The following NDRG2 variants were observed in gnomAD, a reference collection of about 807,000 sequenced individuals.
NDRG2 encodes NDRG family member 2.
Under a neutral mutation model 58.2 loss-of-function variants are expected in NDRG2, and 34 were observed. The observed-to-expected ratio is 0.58, with a 90% CI of 0.44 to 0.78. The LOEUF is 0.78. NDRG2 is among the 30% of genes least tolerant of loss of function. The probability of loss-of-function intolerance (pLI) is 0.00; values close to 1 mark genes in which losing one functional copy is unlikely to be tolerated. For missense variants in NDRG2, 434 were observed against 471.2 expected, an observed-to-expected ratio of 0.92 and a Z score of 0.73; for synonymous variants, 187 against 175.9, an observed-to-expected ratio of 1.06 and a Z score of -0.50.
intron 1 of NDRG2, chr14:21,058,090 C>G: frequency 1.2e-6 from 2 of 1,614,154 alleles, no homozygotes; most frequent in Non-Finnish European, 1.7e-6. Flanking sequence ...GGTGCAAAGA[C>G]CTCAACACCT....
chr14:21,069,284 GAACTTTCGT>G (rs1340554223), intron 1 of NDRG2, among the ~76,000 whole-genome samples: 13 of 152,282 alleles, frequency 8.5e-5, no homozygotes, highest in Admixed American at 7.8e-4. Context: ...AGTGAGGCTA[GAACTTTCGT>G]AACTAGCCCA....
intron 1 of NDRG2, chr14:21,032,200 G>T: frequency 9.9e-7 from 1 of 1,010,036 alleles, no homozygotes. Context: ...GGACAGATGA[G>T]CCTACTAGTG....
In NDRG2 at chr14:21,070,841, C is replaced by G; in HGVS notation, c.11G>C (p.Gly4Ala). The change falls in exon 1 of 15, where the codon GGT becomes GCT. Residue 4 changes from glycine to alanine, a missense_variant. Physicochemically the swap from Gly to Ala is moderately conservative, Grantham distance 60. Coordinates refer to the NDRG2 transcript ENST00000403829. The surrounding 1 kb of genome is among the most constrained non-coding windows in gnomAD (Gnocchi z 4.7). ...ATGAGAACTGACCTGCATGGAACCACCATTTTCCATCCCTGTCCCCAACCC... is the reference window on the plus strand; with the variant it reads ...ATGAGAACTGACCTGCATGGAACCAGCATTTTCCATCCCTGTCCCCAACCC... 1 of 1,535,690 alleles carries G rather than the reference C, an allele frequency of 6.5e-7. No homozygotes were observed. The highest frequency in any genetic ancestry group is 1.4e-5 in the African/African-American group (1 of 73,172).
At chr14:21,031,891 G>C in intron 1 of NDRG2, 1 of 1,612,528 alleles carries the variant, frequency 6.2e-7, no homozygotes, top group Non-Finnish European at 8.5e-7. Context: ...CTGGCTTGCA[G>C]AAAGCAACAA....
At chr14:21,063,490 G>T (rs765927501) in intron 1 of NDRG2, among the ~76,000 whole-genome samples, 1 of 152,110 alleles carries the variant, frequency 6.6e-6, no homozygotes, top group East Asian at 1.9e-4. Flanking sequence ...GGTCTTATGC[G>T]TATGTTCAAC....
intron 1 of NDRG2, chr14:21,036,266 C>T (rs781072829): frequency 4.4e-6 from 2 of 456,304 alleles, no homozygotes; most frequent in South Asian, 3.1e-5. Flanking sequence ...ATCTCTTATA[C>T]AACTTCAAGA....
intron 1 of NDRG2, among the ~76,000 whole-genome samples, chr14:21,041,152 C>T (rs954631696): frequency 2.6e-5 from 4 of 152,090 alleles, no homozygotes; most frequent in Admixed American, 2.6e-4. Flanking sequence ...CACCACCATG[C>T]CTGGCTAATT....
At chr14:21,052,451 G>C (rs1457664760) in intron 1 of NDRG2, among the ~76,000 whole-genome samples, 1 of 152,216 alleles carries the variant, frequency 6.6e-6, no homozygotes, top group Non-Finnish European at 1.5e-5. Flanking sequence ...AACTCATATG[G>C]TCAAGATGAG....
rs555123826 is a variant in NDRG2, at chr14:21,032,420, T to C, written c.25-9099A>G. On this transcript the variant is annotated intron_variant, in intron 1 of 14. Coordinates refer to the NDRG2 transcript ENST00000403829. ...TACTTGTGTTCACACATTACTGATA[T>C]CCACCTCTCCACCCCCACCCCTCAA... 7.9e-5 allele frequency: 34 copies of C among 432,156 alleles called. No homozygotes were observed. The East Asian group carries it at 1.6e-3, about 21-fold the overall frequency. The allele number at this position is 432,156 out of a possible 1,614,324, so 26.8% of individuals were successfully genotyped here. A position where few individuals can be genotyped will look rare whatever the true frequency, so the allele number is the denominator to read the frequency against.
rs1335054438 is a variant in NDRG2, at chr14:21,043,191, G to A, written c.25-19870C>T. 1 of 1,614,138 alleles carries A rather than the reference G, an allele frequency of 6.2e-7. No homozygotes were observed. Among genetic ancestry groups the A allele is most frequent in the Non-Finnish European group, 8.5e-7 (1 of 1,180,030 alleles). The stretch of plus-strand genomic sequence containing the variant: ...TAACAAGCACACAAAACGGTGCAAA[G>A]ACCTCAACACCTTCCTGCACGAGCC... On this transcript the variant is annotated intron_variant, in intron 1 of 14. Transcript: ENST00000403829.
rs74036574 is a variant in NDRG2, at chr14:21,055,545, A to G, written c.24+15283T>C. Among the ~76,000 whole-genome samples the G allele has an allele frequency of 1.2e-3, 190 of 152,282 alleles. 1 individual carries two copies. Among genetic ancestry groups the G allele is most frequent in the African/African-American group, 4.5e-3 (186 of 41,552 alleles). On this transcript the variant is annotated intron_variant, in intron 1 of 14. Transcript: ENST00000403829. Reference sequence around the variant, plus strand: ...TGAATGACTAGGATCAAAACACACAATCAAAGGAACCCCATTCCCAGGCCT... The same window carrying G: ...TGAATGACTAGGATCAAAACACACAGTCAAAGGAACCCCATTCCCAGGCCT...
intron 6 of NDRG2, 62 bp from the exon 7 acceptor site, chr14:21,020,906 A>T (rs548526213): frequency 6.4e-7 from 1 of 1,563,898 alleles, no homozygotes; most frequent in Admixed American, 1.7e-5. Flanking sequence ...GCCACAGCCC[A>T]TCTCTTCAAA....
chr14:21,065,248 A>G (rs1886204357), intron 1 of NDRG2, among the ~76,000 whole-genome samples: 1 of 151,982 alleles, frequency 6.6e-6, no homozygotes, highest in Non-Finnish European at 1.5e-5. Context: ...TCCAACAGAC[A>G]AACAAACAAA....
At chr14:21,027,650 C>T (rs1883785209), upstream of NDRG2, among the ~76,000 whole-genome samples, 1 of 152,190 alleles carries the variant, frequency 6.6e-6, no homozygotes, top group African/African-American at 2.4e-5. Context: ...TCTGTAAATG[C>T]GGTAATACCT....
chr14:21,030,873 C>A, intron 1 of NDRG2: 3 of 1,499,338 alleles, frequency 2.0e-6, no homozygotes, highest in South Asian at 1.3e-5. Context: ...GGGTACCTGG[C>A]GCTGTGCTAT....
chr14:21,062,708 AGT>A lies in NDRG2; in HGVS notation c.24+8118_24+8119del, dbSNP rs71416997. Among the ~76,000 whole-genome samples the A allele has an allele frequency of 5.5e-3, 726 of 131,000 alleles. 12 individuals are homozygous for A. Among genetic ancestry groups the A allele is most frequent in the East Asian group, 0.052 (224 of 4,338 alleles). 85.9% of individuals were successfully genotyped at this position (131,000 alleles called of 152,430 possible). A position where few individuals can be genotyped will look rare whatever the true frequency, so the allele number is the denominator to read the frequency against. On this transcript the variant is annotated intron_variant, in intron 1 of 14. Coordinates refer to the NDRG2 transcript ENST00000403829. Reference sequence around the variant, plus strand: ...AATGTAAACAAAACAGGCTGGGCACAGTGTGTGTGTGTGTGTGTGTGTGTGTG... The same window carrying A: ...AATGTAAACAAAACAGGCTGGGCACAGTGTGTGTGTGTGTGTGTGTGTGTG...
chr14:21,025,179 GC>G (rs912424113), upstream of NDRG2: 12 of 896,818 alleles, frequency 1.3e-5, no homozygotes, highest in South Asian at 2.0e-4. This position sits in a 1 kb window ranked among gnomAD's most constrained non-coding sequence, Gnocchi z 5.1. Context: ...CAGTAAACAC[GC>G]CCCCCCTTTC....
At chr14:21,033,966 G>A (rs772690030) in intron 1 of NDRG2, 3 of 1,614,032 alleles carry the variant, frequency 1.9e-6, no homozygotes, top group East Asian at 4.5e-5. Flanking sequence ...GACCGTGATG[G>A]GGAGGGAATC....
At chr14:21,036,436 A>G (rs1047612863) in intron 1 of NDRG2, among the ~76,000 whole-genome samples, 1 of 152,200 alleles carries the variant, frequency 6.6e-6, no homozygotes. Context: ...TGATGAGCTT[A>G]AAACATGCAA....
Sources: allele counts gnomAD v4.1 joint callset (sites outside exome capture counted in the v4.1 genomes callset), GRCh38; gene constraint gnomAD v4.1.1; non-coding constraint Gnocchi (gnomAD v3.1); transcripts MANE v1.5; gene names NCBI Gene and HGNC (gene_info 2026-07-23, HGNC 2026-07-21).